CHST12: variants seen among roughly 807,000 people sequenced by gnomAD.
CHST12 encodes the protein carbohydrate (chondroitin 4) sulfotransferase 12.
CHST12 carries 23 observed loss-of-function variants against 27.9 expected under a neutral mutation model. The observed-to-expected ratio is 0.82, with a 90% confidence interval of 0.59 to 1.17. The LOEUF (loss-of-function observed/expected upper bound fraction) is 1.17, where lower values mean the gene tolerates loss of function less well. CHST12 is among the 50% of genes most tolerant of loss of function. CHST12 has a pLI of 0.00. For synonymous variants in CHST12, 322 were observed against 273.0 expected, an observed-to-expected ratio of 1.18 and a Z score of -1.77; for missense variants, 682 against 603.0, an observed-to-expected ratio of 1.13 and a Z score of -1.37.
Position 2,436,570 on chromosome 7 carries a change from C to G in CHST12, c.*2686C>G, listed in dbSNP as rs1187457194. The stretch of plus-strand genomic sequence containing the variant: ...TCCTGCGAATGTGAATTGAATGCTG[C>G]TGTGAACAGGGTGTCAGTGAATCTG... On this transcript the variant is annotated 3_prime_UTR_variant, in exon 2 of 2. Coordinates refer to ENST00000618655, the MANE Select transcript of CHST12 (RefSeq NM_018641.5). 6.6e-6 allele frequency: 1 copy of G among 152,296 alleles called. No individual in the cohort carries two copies. The highest frequency in any genetic ancestry group is 1.5e-5 in the Non-Finnish European group (1 of 68,092). The allele number at this position is 152,296 out of a possible 1,614,324, so 9.4% of individuals were successfully genotyped here.
chr7:2,407,515 T>A (rs948873716), intron 1 of CHST12, among the ~76,000 whole-genome samples: 1 of 152,188 alleles, frequency 6.6e-6, no homozygotes, highest in African/African-American at 2.4e-5. Context: ...CAGGATGAAA[T>A]TCACAAAATA....
At position 2,433,424 on chromosome 7, in the gene CHST12, A is replaced by G. The variant is rs201924381; in HGVS notation, c.785A>G (p.Glu262Gly). 1 of 1,609,632 alleles carries G rather than the reference A, an allele frequency of 6.2e-7. No individual in the cohort carries two copies. The highest frequency in any genetic ancestry group is 1.7e-5 in the Admixed American group (1 of 60,020). Residue 262 changes from glutamate to glycine, a missense_variant, in exon 2 of 2, where the codon GAG (glutamate) becomes GGG (glycine). By Grantham distance (98) the Glu-to-Gly change is moderately conservative. Transcript: ENST00000618655. The surrounding 1 kb of genome is among the most constrained non-coding windows in gnomAD (Gnocchi z 6.1). ...GCCTTCCGCAGCAAGTTCGAGCTGG[A>G]GAACGAGGAGTTCTACCGCAAGTTC... The part of the protein sequence containing the change: ...ISAFRSKFEL[E>G]NEEFYRKFAV...
At position 2,433,940 on chromosome 7, in the gene CHST12, G is replaced by GT. The variant is rs569356981; in HGVS notation, c.*63dup. 1,390 of 1,471,350 alleles carry GT rather than the reference G, an allele frequency of 9.4e-4. 4 individuals carry two copies. Among genetic ancestry groups the GT allele is most frequent in the African/African-American group, 7.6e-3 (535 of 70,798 alleles). 91.1% of individuals were successfully genotyped at this position (1,471,350 alleles called of 1,614,324 possible). On this transcript the variant is annotated 3_prime_UTR_variant, in exon 2 of 2. Coordinates refer to ENST00000618655, the MANE Select transcript of CHST12 (RefSeq NM_018641.5). The surrounding 1 kb of genome is among the most constrained non-coding windows in gnomAD (Gnocchi z 6.1). ...TGGAACCTGACGCACGCGCACTCCA[G>GT]TTTTTTTATGACCTACGATTTTGCA... is the stretch of plus-strand genomic sequence containing the variant.
chr7:2,420,016 C>G lies in CHST12; in HGVS notation c.-77-12547C>G, dbSNP rs1781924644. Among the ~76,000 whole-genome samples the G allele has an allele frequency of 2.1e-5, 3 of 142,976 alleles. No individual in the cohort carries two copies. The South Asian group carries it at 6.7e-4, about 32-fold the overall frequency. 93.8% of individuals were successfully genotyped at this position (142,976 alleles called of 152,430 possible). ...TGAGATGGAGTCTCGCTCTGTTGCC[C>G]AGGCTGGAGTGCAGTGGCACGATCT... On this transcript the variant is annotated intron_variant, in intron 1 of 1. Coordinates refer to ENST00000618655, the MANE Select transcript of CHST12 (RefSeq NM_018641.5).
intron 1 of CHST12, among the ~76,000 whole-genome samples, chr7:2,410,576 G>C (rs150443576): frequency 8.5e-5 from 13 of 152,296 alleles, no homozygotes; most frequent in African/African-American, 3.1e-4. Flanking sequence ...AGGGTATGGG[G>C]AGTGCAGGGT....
intron 1 of CHST12, among the ~76,000 whole-genome samples, chr7:2,413,197 G>T (rs1326799647): frequency 6.6e-6 from 1 of 152,166 alleles, no homozygotes; most frequent in African/African-American, 2.4e-5. Context: ...GGCCGGACTT[G>T]GTCTCAGTAT....
At chr7:2,425,993 G>T (rs1055776792) in intron 1 of CHST12, among the ~76,000 whole-genome samples, 1 of 152,102 alleles carries the variant, frequency 6.6e-6, no homozygotes, top group Non-Finnish European at 1.5e-5. Flanking sequence ...GCTGGAGGGA[G>T]AGACAGGCTG....
At chr7:2,428,522 TC>T (rs1782193441) in intron 1 of CHST12, among the ~76,000 whole-genome samples, 1 of 152,150 alleles carries the variant, frequency 6.6e-6, no homozygotes, top group African/African-American at 2.4e-5. Flanking sequence ...CGCCTTCTGG[TC>T]CTGCGATGCC....
Position 2,433,851 on chromosome 7 carries a change from C to G in CHST12, c.1212C>G (p.Gly404=), listed in dbSNP as rs201484291. Residue 404 remains glycine (G), a synonymous_variant, in exon 2 of 2, where the codon GGC becomes GGG. Coordinates refer to ENST00000618655, the MANE Select transcript of CHST12 (RefSeq NM_018641.5). This position sits in a 1 kb window ranked among gnomAD's most constrained non-coding sequence, Gnocchi z 6.1. Reference sequence around the variant, plus strand: ...ACGAGGCCGACTTTGTTCTCTTCGGCTACCCCAAGCCCGAAAACCTCCTCC... The same window carrying G: ...ACGAGGCCGACTTTGTTCTCTTCGGGTACCCCAAGCCCGAAAACCTCCTCC... The part of the protein sequence containing the change: ...KLYEADFVLF[G]YPKPENLLRD The G allele has an allele frequency of 2.4e-5, 38 of 1,592,118 alleles. No homozygotes were observed. The highest frequency in any genetic ancestry group is 3.1e-5 in the Non-Finnish European group (36 of 1,164,268).
At chr7:2,404,256 C>T (rs947386148) in intron 1 of CHST12, 2 of 152,390 alleles carry the variant, frequency 1.3e-5, no homozygotes, top group African/African-American at 4.8e-5. Context: ...AGCCGCAGCC[C>T]TGCCCCTCTG....
intron 1 of CHST12, among the ~76,000 whole-genome samples, chr7:2,428,113 C>G (rs1782178807): frequency 2.0e-5 from 3 of 152,088 alleles, no homozygotes; most frequent in South Asian, 4.2e-4. Context: ...TCTTTCTATA[C>G]ACTGCTGGAT....
rs1354868802 is a variant in CHST12 at position 2,432,694 on chromosome 7, A to G, written c.55A>G (p.Ile19Val). Residue 19 changes from isoleucine (I) to valine (V), a missense_variant, in exon 2 of 2, where the codon ATC (isoleucine) becomes GTC (valine). By Grantham distance (29) the Ile-to-Val change is conservative (BLOSUM62 3). Transcript: ENST00000618655. ...LWLVLGSVFMILLIIVYWDSA... is the reference protein window; with the variant it reads ...LWLVLGSVFMVLLIIVYWDSA... The stretch of plus-strand genomic sequence containing the variant: ...GCTGGTGCTGGGGTCGGTGTTCATG[A>G]TCCTGCTGATCATCGTGTACTGGGA... 1 of 1,613,716 alleles carries G rather than the reference A, an allele frequency of 6.2e-7. No homozygotes were observed. Among genetic ancestry groups the G allele is most frequent in the Non-Finnish European group, 8.5e-7 (1 of 1,179,810 alleles).
At position 2,432,958 on chromosome 7, in the gene CHST12, T is replaced by G. The variant is rs1316195744; in HGVS notation, c.319T>G (p.Ser107Ala). 6.2e-7 allele frequency: 1 copy of G among 1,609,680 alleles called. No homozygotes were observed. The highest frequency in any genetic ancestry group is 8.5e-7 in the Non-Finnish European group (1 of 1,177,990). The change falls in exon 2 of 2, where the codon TCC becomes GCC. Residue 107 changes from serine (S) to alanine (A), a missense_variant. Ser to Ala is a moderately conservative substitution (Grantham distance 99). Transcript: ENST00000618655. ...MEESVRGYDW[S>A]PRDARRSPDQ... ...GGAGAGCGTGAGAGGCTACGACTGG[T>G]CCCCGCGCGACGCCCGGCGCAGCCC...
At chr7:2,425,811 T>C (rs773209972) in intron 1 of CHST12, among the ~76,000 whole-genome samples, 1 of 152,110 alleles carries the variant, frequency 6.6e-6, no homozygotes, top group Non-Finnish European at 1.5e-5. Context: ...TTACCACTTA[T>C]CCCACTATAC....
Position 2,439,943 on chromosome 7 carries a change from C to T in CHST12, c.*6059C>T, listed in dbSNP as rs1236402520. ...CTTTGTCACCCAGGCTGGTCTCAAA[C>T]TCCTGAGCTCGAGTGCTCCTTCTGC... On this transcript the variant is annotated 3_prime_UTR_variant, in exon 2 of 2. Transcript: ENST00000618655. 1.3e-5 allele frequency: 2 copies of T among 151,990 alleles called. No homozygotes were observed. Among genetic ancestry groups the T allele is most frequent in the African/African-American group, 4.8e-5 (2 of 41,392 alleles). The allele number at this position is 151,990 out of a possible 1,614,324, so 9.4% of individuals were successfully genotyped here.
At chr7:2,432,438 G>C (rs910024886) in intron 1 of CHST12, 125 bp from the exon 2 acceptor site, 1 of 617,296 alleles carries the variant, frequency 1.6e-6, no homozygotes, top group African/African-American at 1.8e-5. Flanking sequence ...CCTCTGGAGG[G>C]CGAGCTGATA....
rs1225939687 is a variant in CHST12 at position 2,432,919 on chromosome 7, C to A, written c.280C>A (p.Pro94Thr). ...PRKETEQPPA[P>T]GSMEESVRGY... ...AAAGGAGACGGAGCAGCCGCCTGCG[C>A]CGGGGAGCATGGAGGAGAGCGTGAG... The change falls in exon 2 of 2, where the codon CCG (proline) becomes ACG (threonine). Residue 94 changes from proline (P) to threonine (T), a missense_variant. Physicochemically the swap from Pro to Thr is conservative, Grantham distance 38. Coordinates refer to ENST00000618655, the MANE Select transcript of CHST12 (RefSeq NM_018641.5). 1.9e-6 allele frequency: 3 copies of A among 1,613,032 alleles called. No homozygotes were observed. Among genetic ancestry groups the A allele is most frequent in the Middle Eastern group, 1.6e-4 (1 of 6,062 alleles).
At position 2,443,607 on chromosome 7, in the gene CHST12, C is replaced by T. The variant is rs1236140581; in HGVS notation, c.*9723C>T. 1 of 152,108 alleles carries T rather than the reference C, an allele frequency of 6.6e-6. No homozygotes were observed. Among genetic ancestry groups the T allele is most frequent in the African/African-American group, 2.4e-5 (1 of 41,410 alleles). 9.4% of individuals were successfully genotyped at this position (152,108 alleles called of 1,614,324 possible). A position where few individuals can be genotyped will look rare whatever the true frequency, so the allele number is the denominator to read the frequency against. ...TCAATTCTTATTATTACCAAAAATA[C>T]TTAAAATTCTTACAGATGGCATGGG... On this transcript the variant is annotated 3_prime_UTR_variant, in exon 2 of 2. Coordinates refer to ENST00000618655, the MANE Select transcript of CHST12 (RefSeq NM_018641.5).
At chr7:2,429,367 C>T (rs567510462) in intron 1 of CHST12, among the ~76,000 whole-genome samples, 116 of 152,112 alleles carry the variant, frequency 7.6e-4, no homozygotes, top group African/African-American at 2.5e-3. Flanking sequence ...TGAGCCACGA[C>T]GCCCGGCCTC....
Sources: gnomAD v4.1 joint callset for allele counts (sites outside exome capture counted in the v4.1 genomes callset) on GRCh38, gnomAD v4.1.1 for gene constraint, Gnocchi (gnomAD v3.1) non-coding constraint, MANE v1.5 for transcripts, NCBI Gene and HGNC (gene_info 2026-07-23, HGNC 2026-07-21) for gene names.